The following ANKRD17 variants were observed in gnomAD, a reference collection of about 807,000 sequenced individuals.
ANKRD17 encodes ankyrin repeat domain 17.
In ANKRD17, 19 loss-of-function variants were observed where a neutral mutation model predicts 229.7. The ratio of observed to expected loss-of-function variants is 0.08; its 90% CI spans 0.06 to 0.12. The LOEUF is 0.12. Ranked by LOEUF, ANKRD17 falls within the 10% of genes least tolerant of loss-of-function variation. The pLI is 1.00. For missense variants in ANKRD17, 2,176 were observed against 3,176.8 expected (o/e 0.68, Z 7.57); for synonymous variants, 1,112 against 1,146.1 (o/e 0.97, Z 0.60).
At chr4:73,253,090 G>C (rs1157568870) in intron 1 of ANKRD17, among the ~76,000 whole-genome samples, 1 of 152,124 alleles carries the variant, frequency 6.6e-6, no homozygotes, top group Admixed American at 6.5e-5. Context: ...ACAGTCCCAG[G>C]TTCAATCCCA....
chr4:73,218,913 T>A (rs1166451785), intron 1 of ANKRD17, among the ~76,000 whole-genome samples: 1 of 151,978 alleles, frequency 6.6e-6, no homozygotes, highest in African/African-American at 2.4e-5. Flanking sequence ...ATACAAAAAT[T>A]AGCTGGGTGT....
At chr4:73,164,368 G>C (rs1291944277) in intron 2 of ANKRD17, among the ~76,000 whole-genome samples, 1 of 152,194 alleles carries the variant, frequency 6.6e-6, no homozygotes, top group African/African-American at 2.4e-5. Flanking sequence ...ATGTAACTAG[G>C]AAGAAACCAA....
intron 24 of ANKRD17, 48 bp from the exon 25 acceptor site, chr4:73,102,595 G>T (rs910031275): frequency 2.5e-5 from 39 of 1,567,174 alleles, no homozygotes; most frequent in Non-Finnish European, 3.3e-5. Flanking sequence ...ATTTACCCTG[G>T]AGAAGAAGTT....
intron 1 of ANKRD17, among the ~76,000 whole-genome samples, chr4:73,204,375 A>AG (rs1553936062): frequency 2.0e-4 from 30 of 150,154 alleles, no homozygotes; most frequent in Middle Eastern, 3.4e-3. Flanking sequence ...AAAAAAAAAA[A>AG]AAAAGAAAAG....
chr4:73,106,865 G>A (rs1246734696), intron 24 of ANKRD17, among the ~76,000 whole-genome samples: 1 of 122,254 alleles, frequency 8.2e-6, no homozygotes, highest in African/African-American at 3.1e-5. Flanking sequence ...GCAATGGAGT[G>A]AGACTCCGTC....
intron 1 of ANKRD17, among the ~76,000 whole-genome samples, chr4:73,199,511 T>C (rs1738369477): frequency 6.6e-6 from 1 of 152,116 alleles, no homozygotes; most frequent in Non-Finnish European, 1.5e-5. Context: ...ATTTAACAAT[T>C]ACAGTTCCTT....
chr4:73,179,505 T>C (rs866884079), intron 1 of ANKRD17, among the ~76,000 whole-genome samples: 2,153 of 82,024 alleles, frequency 0.026, 34 homozygotes, highest in Non-Finnish European at 0.043. Context: ...TATATATATA[T>C]ATATATATAT....
chr4:73,111,362 C>T (rs1158139779), intron 24 of ANKRD17, among the ~76,000 whole-genome samples: 2 of 152,112 alleles, frequency 1.3e-5, no homozygotes, highest in African/African-American at 4.8e-5. Flanking sequence ...TAACTGAGGG[C>T]TACTAAGTGG....
chr4:73,149,078 A>G, intron 7 of ANKRD17, 28 bp from the exon 8 acceptor site: 1 of 1,582,024 alleles, frequency 6.3e-7, no homozygotes, highest in Non-Finnish European at 8.6e-7. Flanking sequence ...TAAAAAATTA[A>G]ATCAGCACCA....
chr4:73,167,355 A>G (rs1733374454), intron 2 of ANKRD17, among the ~76,000 whole-genome samples: 1 of 152,240 alleles, frequency 6.6e-6, no homozygotes, highest in Non-Finnish European at 1.5e-5. Context: ...GTTAGCTACC[A>G]TAAAGAAAAT....
At chr4:73,125,134 A>C in intron 17 of ANKRD17, 67 bp downstream of exon 17, 3 of 1,595,172 alleles carry the variant, frequency 1.9e-6, no homozygotes, top group Non-Finnish European at 2.6e-6. Context: ...AATAGGACTA[A>C]AAAATAATGT....
Position 73,079,854 on chromosome 4 carries a change from C to T in ANKRD17, c.7160-964G>A, listed in dbSNP as rs181853473. Among the ~76,000 whole-genome samples, 391 of 152,250 alleles carry T rather than the reference C, an allele frequency of 2.6e-3. 3 individuals are homozygous for T. Among genetic ancestry groups the T allele is most frequent in the African/African-American group, 8.8e-3 (365 of 41,538 alleles). On this transcript the variant is annotated intron_variant, in intron 30 of 33. Coordinates refer to ENST00000358602, the MANE Select transcript of ANKRD17 (RefSeq NM_032217.5). ...TATTGGCCGGGCGCGGTGGCACACACCTGTAATCACAGCACTTTGGGAGGC... is the reference window on the plus strand; with the variant it reads ...TATTGGCCGGGCGCGGTGGCACACATCTGTAATCACAGCACTTTGGGAGGC...
intron 1 of ANKRD17, among the ~76,000 whole-genome samples, chr4:73,190,368 C>CAATA (rs925583732): frequency 2.5e-4 from 38 of 151,804 alleles, no homozygotes; most frequent in Middle Eastern, 3.4e-3. Flanking sequence ...GATTCCGTCT[C>CAATA]AATAAATAAA....
chr4:73,104,388 AG>A (rs954425654), intron 24 of ANKRD17, among the ~76,000 whole-genome samples: 2 of 152,174 alleles, frequency 1.3e-5, no homozygotes, highest in African/African-American at 4.8e-5. Context: ...CCAGTGAAGG[AG>A]GGAGAAGTGT....
At chr4:73,129,454 A>G (rs1012508894) in intron 16 of ANKRD17, among the ~76,000 whole-genome samples, 2 of 152,178 alleles carry the variant, frequency 1.3e-5, no homozygotes, top group African/African-American at 4.8e-5. Flanking sequence ...CGCTGGGTAC[A>G]ATGGCTCATG....
intron 1 of ANKRD17, among the ~76,000 whole-genome samples, chr4:73,218,234 CTTT>C (rs1215831346): frequency 6.6e-6 from 1 of 152,176 alleles, no homozygotes; most frequent in African/African-American, 2.4e-5. Context: ...GGGATATCCG[CTTT>C]TTAAGTCCAC....
At chr4:73,164,505 C>T (rs956998845) in intron 2 of ANKRD17, among the ~76,000 whole-genome samples, 2 of 151,958 alleles carry the variant, frequency 1.3e-5, no homozygotes, top group South Asian at 2.1e-4. Context: ...AAGTGAAGAT[C>T]GAAAAACAGA....
intron 29 of ANKRD17, among the ~76,000 whole-genome samples, chr4:73,088,443 C>G (rs1332469012): frequency 6.6e-6 from 1 of 152,098 alleles, no homozygotes; most frequent in African/African-American, 2.4e-5. Context: ...AGAGGTCTTT[C>G]TTCTATACCT....
chr4:73,117,898 G>A (rs1048069639), intron 22 of ANKRD17, among the ~76,000 whole-genome samples: 7 of 152,058 alleles, frequency 4.6e-5, no homozygotes, highest in African/African-American at 7.3e-5. Context: ...TTACTTTCAC[G>A]GAATTTGTAT....
Sources: allele counts gnomAD v4.1 joint callset (sites outside exome capture counted in the v4.1 genomes callset), GRCh38; gene constraint gnomAD v4.1.1; transcripts MANE v1.5; gene names NCBI Gene and HGNC (gene_info 2026-07-23, HGNC 2026-07-21).